TG: variants seen among roughly 807,000 people sequenced by gnomAD.
The protein encoded by TG is thyroid hormones.
In TG, 270 loss-of-function variants were observed where a neutral mutation model predicts 324.7. The observed-to-expected ratio is 0.83, with a 90% CI of 0.75 to 0.92. The LOEUF is 0.92. Ranked by LOEUF, TG falls within the 40% of genes least tolerant of loss-of-function variation. The pLI, the probability that TG is intolerant of heterozygous loss-of-function variation, is 0.00. For synonymous variants in TG, 1,401 were observed against 1,327.0 expected, an observed-to-expected ratio of 1.06 and a Z score of -1.21; for missense variants, 3,591 against 3,456.4, an observed-to-expected ratio of 1.04 and a Z score of -0.98.
intron 35 of TG, chr8:133,002,134 C>T: frequency 1.0e-6 from 1 of 985,336 alleles, no homozygotes; most frequent in Non-Finnish European, 1.2e-6. Context: ...TGACATTCTG[C>T]CCTTGGATCT....
intron 41 of TG, chr8:133,040,261 G>T: frequency 1.0e-6 from 1 of 989,670 alleles, no homozygotes; most frequent in Non-Finnish European, 1.5e-6. Flanking sequence ...AGATTTCAAA[G>T]GGGCATGGTA....
chr8:132,989,045 T>C (rs952356792), intron 35 of TG: 1 of 276,986 alleles, frequency 3.6e-6, no homozygotes, highest in Admixed American at 6.5e-5. Flanking sequence ...ACAAGTCACA[T>C]CTTACGTGGA....
At chr8:133,073,158 C>A (rs1322508752) in intron 41 of TG, 1 of 152,176 alleles carries the variant, frequency 6.6e-6, no homozygotes, top group Non-Finnish European at 1.5e-5. Context: ...TCACAGAGTT[C>A]TTTGGTGGCC....
Position 132,887,423 on chromosome 8 carries a change from T to C in TG, c.2051T>C (p.Val684Ala). The C allele has an allele frequency of 6.2e-7, 1 of 1,614,144 alleles. No homozygotes were observed. Among genetic ancestry groups the C allele is most frequent in the African/African-American group, 1.3e-5 (1 of 75,042 alleles). The change falls in exon 9 of 48, where the codon GTC becomes GCC. Residue 684 changes from valine (V) to alanine (A), a missense_variant. Physicochemically the swap from Val to Ala is moderately conservative, Grantham distance 64 (BLOSUM62 0). Coordinates refer to ENST00000220616, the MANE Select transcript of TG (RefSeq NM_003235.5). ...GSQPAGSTLF[V>A]PACTSEGHFL... The stretch of plus-strand genomic sequence containing the variant: ...CAGCCTGCTGGCTCCACCTTGTTTG[T>C]CCCTGCTTGTACTAGTGAGGGACAT...
intron 41 of TG, among the ~76,000 whole-genome samples, chr8:133,082,823 C>G (rs78493697): frequency 9.5e-6 from 1 of 105,154 alleles, no homozygotes; most frequent in Non-Finnish European, 2.6e-5. Flanking sequence ...ATGGCATATA[C>G]TTTTTTTCTA....
intron 1 of TG, 151 bp downstream of exon 1, chr8:132,867,218 G>A: frequency 1.4e-6 from 1 of 720,134 alleles, no homozygotes. Context: ...AGATGAAGAG[G>A]CAGATTTAGA....
At chr8:132,877,739 C>A (rs1219595920) in intron 5 of TG, among the ~76,000 whole-genome samples, 1 of 152,150 alleles carries the variant, frequency 6.6e-6, no homozygotes, top group Non-Finnish European at 1.5e-5. Context: ...CTTGAGGATT[C>A]TTCTATGGCC....
At position 133,060,204 on chromosome 8, in the gene TG, T is replaced by G. The variant is rs767159318; in HGVS notation, c.7239+30181T>G. On this transcript the variant is annotated intron_variant, in intron 41 of 47. Coordinates refer to ENST00000220616, the MANE Select transcript of TG (RefSeq NM_003235.5). The stretch of plus-strand genomic sequence containing the variant: ...GGCCGCTGGTGATGCCCAGAGCCTG[T>G]GGTATAGGAGACAGACGGGGAAAGT... 9.3e-6 allele frequency: 15 copies of G among 1,613,338 alleles called. 1 individual carries two copies. The South Asian group carries it at 1.6e-4, about 18-fold the overall frequency.
intron 47 of TG, among the ~76,000 whole-genome samples, chr8:133,134,194 A>G (rs1852175103): frequency 6.6e-6 from 1 of 152,136 alleles, no homozygotes; most frequent in African/African-American, 2.4e-5. Flanking sequence ...GAGTGACACA[A>G]CCCAGGGGAT....
chr8:133,055,926 C>A (rs1841366397), intron 41 of TG, among the ~76,000 whole-genome samples: 1 of 152,068 alleles, frequency 6.6e-6, no homozygotes, highest in African/African-American at 2.4e-5. Context: ...ACCGAGGTTA[C>A]CCCTGAAGTC....
chr8:132,923,787 A>C (rs1821438275), intron 22 of TG, among the ~76,000 whole-genome samples: 1 of 152,148 alleles, frequency 6.6e-6, no homozygotes, highest in Admixed American at 6.5e-5. Flanking sequence ...AGCATGCACA[A>C]GAGATGAATT....
At chr8:133,014,442 T>G (rs1397858395) in intron 37 of TG, among the ~76,000 whole-genome samples, 1 of 152,226 alleles carries the variant, frequency 6.6e-6, no homozygotes, top group Non-Finnish European at 1.5e-5. Flanking sequence ...ACTGGGCATC[T>G]GGGGGAATCC....
chr8:133,063,252 A>C (rs1377022919), intron 41 of TG, among the ~76,000 whole-genome samples: 1 of 150,358 alleles, frequency 6.7e-6, no homozygotes, highest in Non-Finnish European at 1.5e-5. Flanking sequence ...ACCCCTCCAG[A>C]TGCCAGGGTG....
In TG at chr8:132,959,251, C is replaced by T. The variant is rs566619497; in HGVS notation, c.5402-1757C>T. The stretch of plus-strand genomic sequence containing the variant: ...GTTCACACCTCTTTAAACACAAACA[C>T]CTTTAACATTTTTGCCATGTCAGAT... On this transcript the variant is annotated intron_variant, in intron 27 of 47. Coordinates refer to ENST00000220616, the MANE Select transcript of TG (RefSeq NM_003235.5). 8.5e-5 allele frequency among the ~76,000 whole-genome samples: 13 copies of T among 152,326 alleles called. 1 individual carries two copies. The South Asian group carries it at 2.7e-3, about 32-fold the overall frequency.
chr8:132,998,794 G>A (rs1833144554), intron 35 of TG, among the ~76,000 whole-genome samples: 1 of 152,192 alleles, frequency 6.6e-6, no homozygotes, highest in African/African-American at 2.4e-5. Context: ...GGTTTGGGGT[G>A]TGATCATGGA....
chr8:132,897,534 A>C, intron 11 of TG, 115 bp from the exon 12 acceptor site: 1 of 1,416,914 alleles, frequency 7.1e-7, no homozygotes, highest in Non-Finnish European at 9.9e-7. Flanking sequence ...TTTGTCAAAT[A>C]AATAAATAAG....
chr8:132,895,819 G>A lies in TG; in HGVS notation c.3002-1830G>A, dbSNP rs77634921. Among the ~76,000 whole-genome samples the A allele has an allele frequency of 8.0e-3, 1,220 of 152,346 alleles. 15 individuals are homozygous for A. Among genetic ancestry groups the A allele is most frequent in the African/African-American group, 0.027 (1,111 of 41,582 alleles). ...GGAGGGAAATGTCGAGAAAGGGGAG[G>A]CAATGTTGCTGGTGCTGTTGAGATT... On this transcript the variant is annotated intron_variant, in intron 11 of 47. Coordinates refer to ENST00000220616, the MANE Select transcript of TG (RefSeq NM_003235.5).
intron 35 of TG, among the ~76,000 whole-genome samples, chr8:132,991,125 T>C (rs1231344914): frequency 6.6e-6 from 1 of 151,796 alleles, no homozygotes; most frequent in African/African-American, 2.4e-5. Context: ...TGAGCTGCCC[T>C]GAGCAGGGCA....
At chr8:133,028,243 G>A (rs946301094) in intron 40 of TG, among the ~76,000 whole-genome samples, 5 of 152,144 alleles carry the variant, frequency 3.3e-5, no homozygotes, top group Non-Finnish European at 7.3e-5. Flanking sequence ...GCTTTCCTGG[G>A]TTACCTGAGA....
Sources: allele counts gnomAD v4.1 joint callset (sites outside exome capture counted in the v4.1 genomes callset), GRCh38; gene constraint gnomAD v4.1.1; transcripts MANE v1.5; gene names NCBI Gene and HGNC (gene_info 2026-07-23, HGNC 2026-07-21).